The following LMX1A variants were observed in gnomAD, a reference collection of about 807,000 sequenced individuals.
The protein encoded by LMX1A is LIM homeobox transcription factor 1 alpha, also known as LIM homeobox transcription factor 1-alpha.
A neutral mutation model predicts 49.1 loss-of-function variants in LMX1A; 15 were observed. The ratio of observed to expected loss-of-function variants is 0.31; its 90% confidence interval spans 0.20 to 0.47. LMX1A has a LOEUF of 0.47. Ranked by LOEUF, LMX1A falls within the 20% of genes least tolerant of loss-of-function variation. The pLI is 1.00. For synonymous variants in LMX1A, 167 were observed against 185.7 expected, an observed-to-expected ratio of 0.90 and a Z score of 0.82; for missense variants, 372 against 475.8, an observed-to-expected ratio of 0.78 and a Z score of 2.03.
intron 3 of LMX1A, among the ~76,000 whole-genome samples, chr1:165,328,342 C>T (rs1201320409): frequency 6.6e-6 from 1 of 152,232 alleles, no homozygotes; most frequent in African/African-American, 2.4e-5. Flanking sequence ...GGGCAGGAGG[C>T]TGTCCCATAG....
At chr1:165,257,299 C>T (rs1030257629) in intron 3 of LMX1A, among the ~76,000 whole-genome samples, 10 of 151,984 alleles carry the variant, frequency 6.6e-5, no homozygotes, top group Admixed American at 2.0e-4. Context: ...CTAGCACTGT[C>T]TTCATAGGAG....
At chr1:165,264,178 G>A (rs1244295902) in intron 3 of LMX1A, among the ~76,000 whole-genome samples, 1 of 151,952 alleles carries the variant, frequency 6.6e-6, no homozygotes, top group Non-Finnish European at 1.5e-5. Context: ...GTGGAAGCCT[G>A]CACACAGCCC....
intron 4 of LMX1A, among the ~76,000 whole-genome samples, chr1:165,222,962 A>T (rs1193057172): frequency 6.6e-6 from 1 of 152,174 alleles, no homozygotes; most frequent in Non-Finnish European, 1.5e-5. Context: ...CTTGCCTAGG[A>T]CTGGGAGGAG....
At chr1:165,340,947 A>G (rs1369681101) in intron 3 of LMX1A, among the ~76,000 whole-genome samples, 1 of 151,978 alleles carries the variant, frequency 6.6e-6, no homozygotes, top group Non-Finnish European at 1.5e-5. Flanking sequence ...TTCATTCCCA[A>G]CCTCTCACCT....
intron 3 of LMX1A, among the ~76,000 whole-genome samples, chr1:165,292,061 C>CAAAAAAAAAA (rs771664986): frequency 1.2e-5 from 1 of 82,542 alleles, no homozygotes; most frequent in Non-Finnish European, 2.3e-5. Flanking sequence ...AACTCCGTCT[C>CAAAAAAAAAA]AAAAAAAAAA....
At chr1:165,266,252 G>A (rs1193467216) in intron 3 of LMX1A, among the ~76,000 whole-genome samples, 5 of 152,316 alleles carry the variant, frequency 3.3e-5, no homozygotes, top group East Asian at 1.9e-4. Flanking sequence ...GATAACTGAC[G>A]TTAGAGCAAA....
At chr1:165,325,335 TA>T (rs1169797450) in intron 3 of LMX1A, among the ~76,000 whole-genome samples, 1 of 152,236 alleles carries the variant, frequency 6.6e-6, no homozygotes, top group Non-Finnish European at 1.5e-5. Context: ...CTATTGTTTT[TA>T]TTTTTTTCCT....
chr1:165,305,958 G>A (rs1654909316), intron 3 of LMX1A, among the ~76,000 whole-genome samples: 1 of 152,152 alleles, frequency 6.6e-6, no homozygotes, highest in East Asian at 1.9e-4. Flanking sequence ...TAGGAGCCCG[G>A]ACCACAGGAG....
intron 3 of LMX1A, among the ~76,000 whole-genome samples, chr1:165,265,557 C>G (rs769109441): frequency 2.6e-5 from 4 of 152,172 alleles, no homozygotes; most frequent in African/African-American, 4.8e-5. Flanking sequence ...GCGAGTGCCT[C>G]CCTGAGCCCT....
chr1:165,354,627 C>T (rs1656544587), intron 2 of LMX1A, among the ~76,000 whole-genome samples: 2 of 152,184 alleles, frequency 1.3e-5, no homozygotes, highest in South Asian at 4.1e-4. Context: ...TTGGTTTCTC[C>T]AGCAGAACTG....
intron 3 of LMX1A, among the ~76,000 whole-genome samples, chr1:165,266,591 CTTTCTTTTTTTTT>C (rs1443839488): frequency 2.1e-5 from 2 of 94,872 alleles, no homozygotes; most frequent in African/African-American, 7.6e-5. Context: ...TCTCTTCTTT[CTTTCTTTTTTTTT>C]TTTTTTTTTT....
At chr1:165,290,793 G>C (rs749602256) in intron 3 of LMX1A, among the ~76,000 whole-genome samples, 9 of 151,864 alleles carry the variant, frequency 5.9e-5, no homozygotes, top group Non-Finnish European at 1.3e-4. Flanking sequence ...AACATCACCG[G>C]AGAATTTTTT....
chr1:165,204,974 G>A (rs79627901), intron 8 of LMX1A, among the ~76,000 whole-genome samples: 3,199 of 152,182 alleles, frequency 0.021, 85 homozygotes, highest in East Asian at 0.12. Context: ...ATATGGGAAA[G>A]TAGGCGTGAT....
At chr1:165,333,202 T>C (rs922210167) in intron 3 of LMX1A, among the ~76,000 whole-genome samples, 3 of 152,222 alleles carry the variant, frequency 2.0e-5, no homozygotes, top group Admixed American at 6.5e-5. Flanking sequence ...GTTTCACTCT[T>C]GTTGCCCAGC....
At chr1:165,228,290 G>A (rs1652108480) in intron 4 of LMX1A, among the ~76,000 whole-genome samples, 1 of 152,158 alleles carries the variant, frequency 6.6e-6, no homozygotes, top group Non-Finnish European at 1.5e-5. Flanking sequence ...TGCAGCTCCA[G>A]CTTCCACCAG....
intron 3 of LMX1A, among the ~76,000 whole-genome samples, chr1:165,302,300 C>T (rs1294350409): frequency 2.6e-5 from 4 of 151,836 alleles, no homozygotes; most frequent in East Asian, 1.9e-4. Context: ...AAAAATTAGC[C>T]GGGTGTTGTG....
At chr1:165,324,113 C>T (rs1655500454) in intron 3 of LMX1A, among the ~76,000 whole-genome samples, 1 of 152,216 alleles carries the variant, frequency 6.6e-6, no homozygotes, top group Non-Finnish European at 1.5e-5. Context: ...ACATCGCAGG[C>T]ATTCAGTCGA....
chr1:165,292,489 A>G (rs1278768037), intron 3 of LMX1A, among the ~76,000 whole-genome samples: 4 of 152,234 alleles, frequency 2.6e-5, no homozygotes, highest in Admixed American at 6.5e-5. Flanking sequence ...TAAGGCTCAT[A>G]TGGAGAAGAG....
intron 3 of LMX1A, among the ~76,000 whole-genome samples, chr1:165,293,315 A>G (rs1197019420): frequency 6.6e-6 from 1 of 152,160 alleles, no homozygotes; most frequent in East Asian, 1.9e-4. Context: ...AAATGTGTAA[A>G]TGTTTAAAAT....
Sources: gnomAD v4.1 joint callset for allele counts (sites outside exome capture counted in the v4.1 genomes callset) on GRCh38, gnomAD v4.1.1 for gene constraint, MANE v1.5 for transcripts, NCBI Gene and HGNC (gene_info 2026-07-23, HGNC 2026-07-21) for gene names.